WDPCP: variants seen among roughly 807,000 people sequenced by gnomAD.
WDPCP encodes WD repeat-containing and planar cell polarity effector protein fritz homolog.
In WDPCP, 71 loss-of-function variants were observed where a neutral mutation model predicts 93.1. The observed-to-expected ratio is 0.76, with a 90% CI of 0.63 to 0.93. The LOEUF is 0.93. WDPCP is among the 40% of genes least tolerant of loss of function. The pLI is 0.00. For synonymous variants in WDPCP, 315 were observed against 315.0 expected, an observed-to-expected ratio of 1.00 and a Z score of 0.00; for missense variants, 844 against 887.4, an observed-to-expected ratio of 0.95 and a Z score of 0.62.
At chr2:63,123,701 A>T (rs1385658432) in intron 17 of WDPCP, among the ~76,000 whole-genome samples, 2 of 152,078 alleles carry the variant, frequency 1.3e-5, no homozygotes, top group Non-Finnish European at 2.9e-5. Flanking sequence ...GTTTTTAAAC[A>T]TTATTTGAAG....
chr2:63,735,489 A>G (rs142161941), intron 2 of WDPCP, among the ~76,000 whole-genome samples: 1,873 of 152,354 alleles, frequency 0.012, 16 homozygotes, highest in Non-Finnish European at 0.015. Flanking sequence ...TGAGTCAGAC[A>G]GTGCAAGGTC....
chr2:63,713,914 G>C (rs1669296238), intron 2 of WDPCP, among the ~76,000 whole-genome samples: 1 of 152,132 alleles, frequency 6.6e-6, no homozygotes. Flanking sequence ...GCTAATTTGA[G>C]ATTCCTTCCC....
At chr2:63,638,176 G>C (rs1336749950) in intron 3 of WDPCP, among the ~76,000 whole-genome samples, 1 of 152,016 alleles carries the variant, frequency 6.6e-6, no homozygotes, top group Non-Finnish European at 1.5e-5. Context: ...GTGGGCAAAG[G>C]GTGCAAACCT....
At chr2:63,482,961 T>C (rs987805592) in intron 6 of WDPCP, among the ~76,000 whole-genome samples, 1 of 151,990 alleles carries the variant, frequency 6.6e-6, no homozygotes, top group African/African-American at 2.4e-5. Context: ...TATTTTATCA[T>C]GAAAATTCCC....
chr2:63,800,428 G>GT (rs1419787033), intron 2 of WDPCP, among the ~76,000 whole-genome samples: 2 of 152,082 alleles, frequency 1.3e-5, no homozygotes, highest in South Asian at 2.1e-4. Context: ...CAGAGACCAT[G>GT]TTTTTTCCAT....
chr2:63,670,632 C>A (rs1444520831), intron 2 of WDPCP, among the ~76,000 whole-genome samples: 1 of 152,014 alleles, frequency 6.6e-6, no homozygotes, highest in African/African-American at 2.4e-5. Context: ...GTATAAAAAA[C>A]AGGGAGGAAG....
At chr2:63,820,236 T>C (rs532270321) in intron 1 of WDPCP, among the ~76,000 whole-genome samples, 3 of 152,216 alleles carry the variant, frequency 2.0e-5, no homozygotes, top group African/African-American at 7.2e-5. Context: ...AATAGTTTAG[T>C]TAGGAACATT....
At chr2:63,640,164 A>G (rs933432087) in intron 3 of WDPCP, among the ~76,000 whole-genome samples, 1 of 152,044 alleles carries the variant, frequency 6.6e-6, no homozygotes, top group African/African-American at 2.4e-5. Flanking sequence ...GCCCGCCACG[A>G]CGCCCAGCTA....
chr2:63,273,808 AAC>A (rs201430569), intron 13 of WDPCP, among the ~76,000 whole-genome samples: 3,095 of 144,072 alleles, frequency 0.021, 54 homozygotes, highest in Non-Finnish European at 0.035. Flanking sequence ...CCAACGCAGA[AAC>A]ACACACACAC....
chr2:63,533,414 C>G (rs952652550), intron 1 of WDPCP, among the ~76,000 whole-genome samples: 12 of 152,200 alleles, frequency 7.9e-5, no homozygotes, highest in Non-Finnish European at 1.5e-4. Context: ...ACATTCTTCT[C>G]AGCATCACAT....
chr2:63,801,317 T>C (rs1372044939), intron 2 of WDPCP, among the ~76,000 whole-genome samples: 2 of 152,198 alleles, frequency 1.3e-5, no homozygotes, highest in Non-Finnish European at 2.9e-5. Flanking sequence ...TCATGATGTG[T>C]CTGGAGTGGG....
chr2:63,313,870 A>G (rs376259725), intron 12 of WDPCP, among the ~76,000 whole-genome samples: 1 of 48,676 alleles, frequency 2.1e-5, no homozygotes, highest in East Asian at 4.8e-4. Flanking sequence ...ATATATATAT[A>G]TATATATATA....
At chr2:63,435,955 T>C (rs1697110696) in intron 8 of WDPCP, among the ~76,000 whole-genome samples, 1 of 152,042 alleles carries the variant, frequency 6.6e-6, no homozygotes, top group Non-Finnish European at 1.5e-5. Flanking sequence ...CTAGATGTCT[T>C]TTCCTCATCT....
At chr2:63,750,589 G>C (rs1669864853) in intron 2 of WDPCP, among the ~76,000 whole-genome samples, 1 of 152,080 alleles carries the variant, frequency 6.6e-6, no homozygotes, top group African/African-American at 2.4e-5. Context: ...ACTGATCTGA[G>C]GGGAAAAGCA....
At chr2:63,732,435 T>C (rs919867885) in intron 2 of WDPCP, among the ~76,000 whole-genome samples, 1 of 152,196 alleles carries the variant, frequency 6.6e-6, no homozygotes, top group East Asian at 1.9e-4. Flanking sequence ...GAGGGGTATC[T>C]TTCCATAAGA....
At chr2:63,568,564 C>G (rs1040215986) in intron 1 of WDPCP, among the ~76,000 whole-genome samples, 19 of 152,146 alleles carry the variant, frequency 1.2e-4, no homozygotes, top group African/African-American at 4.6e-4. Context: ...AGCAGTTTTG[C>G]CACGAGAGTA....
chr2:63,650,325 A>G (rs780714503), intron 3 of WDPCP, among the ~76,000 whole-genome samples: 13 of 152,198 alleles, frequency 8.5e-5, no homozygotes, highest in Non-Finnish European at 1.3e-4. Flanking sequence ...AAGTTCCCCA[A>G]TGATGCTTAT....
intron 14 of WDPCP, among the ~76,000 whole-genome samples, chr2:63,183,934 G>A (rs796745349): frequency 1.5e-4 from 23 of 151,856 alleles, no homozygotes; most frequent in Admixed American, 3.9e-4. Context: ...TGATATAAGC[G>A]TAGATACTCC....
At chr2:63,303,606 G>A (rs1248566807) in intron 13 of WDPCP, among the ~76,000 whole-genome samples, 1 of 152,186 alleles carries the variant, frequency 6.6e-6, no homozygotes, top group Non-Finnish European at 1.5e-5. Flanking sequence ...CCCCTCTGGA[G>A]TGGTCCACTG....
Sources: allele counts gnomAD v4.1 joint callset (sites outside exome capture counted in the v4.1 genomes callset), GRCh38; gene constraint gnomAD v4.1.1; transcripts MANE v1.5; gene names NCBI Gene and HGNC (gene_info 2026-07-23, HGNC 2026-07-21).